Variants in HSPD1 observed in about 807,000 individuals in gnomAD.
HSPD1 encodes the protein 60 kDa heat shock protein, mitochondrial.
In HSPD1, 3 loss-of-function variants were observed where a neutral mutation model predicts 53.0. The ratio of observed to expected loss-of-function variants is 0.06; its 90% confidence interval spans 0.03 to 0.15. The LOEUF is 0.15. Ranked by LOEUF, HSPD1 falls within the 10% of genes least tolerant of loss-of-function variation. The pLI, the probability that HSPD1 is intolerant of heterozygous loss-of-function variation, is 1.00. For synonymous variants in HSPD1, 200 were observed against 228.0 expected (o/e 0.88, Z 1.10); for missense variants, 431 against 694.1 (o/e 0.62, Z 4.26).
intron 3 of HSPD1, among the ~76,000 whole-genome samples, chr2:197,495,917 G>A (rs1269545966): frequency 1.3e-5 from 2 of 152,196 alleles, no homozygotes; most frequent in South Asian, 4.1e-4. Context: ...CAAGGTAGAT[G>A]TGTGTAGTTT....
chr2:197,497,941 T>C (rs529688981), intron 2 of HSPD1, among the ~76,000 whole-genome samples: 1 of 152,340 alleles, frequency 6.6e-6, no homozygotes, highest in Non-Finnish European at 1.5e-5. Flanking sequence ...GATCACTTGA[T>C]ATCTGAACTG....
chr2:197,493,875 TG>T (rs2086123764), intron 6 of HSPD1, among the ~76,000 whole-genome samples: 1 of 151,904 alleles, frequency 6.6e-6, no homozygotes, highest in South Asian at 2.1e-4. Context: ...CCAAGGTGGG[TG>T]GATCACCTGA....
upstream of HSPD1, chr2:197,500,208 G>C: frequency 5.0e-6 from 3 of 601,208 alleles, no homozygotes; most frequent in South Asian, 6.3e-5. Context: ...TTTTTCTTCC[G>C]CCTCCGAGTC....
chr2:197,492,694 C>G (rs1015254022), intron 7 of HSPD1, among the ~76,000 whole-genome samples: 8 of 151,778 alleles, frequency 5.3e-5, no homozygotes, highest in Non-Finnish European at 1.5e-5. Context: ...GAGACTCTGT[C>G]TCCAAAAATA....
upstream of HSPD1, chr2:197,500,205 T>G (rs1469125468): frequency 1.5e-5 from 9 of 600,992 alleles, no homozygotes; most frequent in Non-Finnish European, 2.7e-5. Context: ...CCTTTTTTCT[T>G]CCGCCTCCGA....
intron 8 of HSPD1, 114 bp downstream of exon 8, chr2:197,490,083 A>T: frequency 2.4e-6 from 2 of 849,382 alleles, no homozygotes; most frequent in Non-Finnish European, 4.0e-6. Context: ...CTACCTTCCA[A>T]AGAGCCAAAA....
Position 197,489,242 on chromosome 2 carries a change from A to G in HSPD1, c.975T>C (p.Phe325=). The G allele has an allele frequency of 6.2e-7, 1 of 1,614,172 alleles. No homozygotes were observed. The highest frequency in any genetic ancestry group is 8.5e-7 in the Non-Finnish European group (1 of 1,180,006). The change falls in exon 9 of 12, where the codon TTT becomes TTC. Residue 325 remains phenylalanine (F), a synonymous_variant. Transcript: ENST00000388968. ...DMAIATGGAV[F]GEEGLTLNLE... The stretch of plus-strand genomic sequence containing the variant: ...GATTCAGGGTCAATCCCTCTTCTCC[A>G]AACACCTACAAAAAGAGTTAAACGT...
Position 197,489,073 on chromosome 2 carries a change from T to C in HSPD1, c.1144A>G (p.Thr382Ala). 6.2e-7 allele frequency: 1 copy of C among 1,613,930 alleles called. No individual in the cohort carries two copies. Among genetic ancestry groups the C allele is most frequent in the Non-Finnish European group, 8.5e-7 (1 of 1,179,804 alleles). Residue 382 changes from threonine (T) to alanine (A), a missense_variant, in exon 9 of 12, where the codon ACT becomes GCT. By Grantham distance (58) the Thr-to-Ala change is moderately conservative. Transcript: ENST00000388968. Reference sequence around the variant, plus strand: ...AGTTTTTCCTTTTCATATTCACTAGTTGTGACATCTAACTGCTCAATGATT... The same window carrying C: ...AGTTTTTCCTTTTCATATTCACTAGCTGTGACATCTAACTGCTCAATGATT... Reference protein sequence around the residue: ...QEIIEQLDVTTSEYEKEKLNE... With the variant: ...QEIIEQLDVTASEYEKEKLNE...
intron 1 of HSPD1, 101 bp from the exon 2 acceptor site, chr2:197,498,951 A>G (rs2086198573): frequency 9.3e-7 from 1 of 1,073,292 alleles, no homozygotes; most frequent in Non-Finnish European, 1.4e-6. Context: ...TGAGATGCTG[A>G]GCCTGGCTGA....
chr2:197,490,514 C>T lies in HSPD1; in HGVS notation c.870-218G>A, dbSNP rs150032849. ...CTATTTTCTATTAATTATACTTGTCCATATCCGTTTACCTTCTTAATAAAC... is the reference window on the plus strand; with the variant it reads ...CTATTTTCTATTAATTATACTTGTCTATATCCGTTTACCTTCTTAATAAAC... On this transcript the variant is annotated intron_variant, in intron 7 of 11. Transcript: ENST00000388968. 440 of 559,746 alleles carry T rather than the reference C, an allele frequency of 7.9e-4. 5 individuals carry two copies. In the African/African-American group the frequency reaches 8.0e-3, roughly 10 times the overall value. 34.7% of individuals were successfully genotyped at this position (559,746 alleles called of 1,614,324 possible).
At chr2:197,491,451 C>A (rs561072663) in intron 7 of HSPD1, among the ~76,000 whole-genome samples, 2 of 152,110 alleles carry the variant, frequency 1.3e-5, no homozygotes, top group African/African-American at 4.8e-5. Flanking sequence ...TGAGTCACCA[C>A]GCCCAGCCAA....
At chr2:197,494,438 T>G (rs2086132078) in intron 5 of HSPD1, 188 bp from the exon 6 acceptor site, 1 of 631,824 alleles carries the variant, frequency 1.6e-6, no homozygotes, top group Non-Finnish European at 2.8e-6. Flanking sequence ...ATCATTTAAG[T>G]TAGGATGGAT....
intron 6 of HSPD1, 68 bp downstream of exon 6, chr2:197,494,089 C>A (rs962141183): frequency 1.4e-4 from 111 of 808,004 alleles, no homozygotes; most frequent in Middle Eastern, 3.5e-4. Flanking sequence ...CCAGCCGGGG[C>A]AACAGAGAAT....
intron 2 of HSPD1, among the ~76,000 whole-genome samples, chr2:197,497,832 TCAAC>T (rs2086177645): frequency 6.6e-6 from 1 of 152,240 alleles, no homozygotes; most frequent in Non-Finnish European, 1.5e-5. Flanking sequence ...ACATAAAACT[TCAAC>T]CATGGCACAA....
Position 197,486,685 on chromosome 2 carries a change from ACTT to A in HSPD1, c.*358_*360del, listed in dbSNP as rs1272880403. On this transcript the variant is annotated 3_prime_UTR_variant, in exon 12 of 12. Transcript: ENST00000388968. ...TCACTCTCCACAGAAAGGCTGCTTA[ACTT>A]CTCATCTGGTGGTGGCAAGCACTAA... 2 of 308,424 alleles carry A rather than the reference ACTT, an allele frequency of 6.5e-6. No individual in the cohort carries two copies. Among genetic ancestry groups the A allele is most frequent in the African/African-American group, 4.3e-5 (2 of 46,490 alleles). 19.1% of individuals were successfully genotyped at this position (308,424 alleles called of 1,614,324 possible). A position where few individuals can be genotyped will look rare whatever the true frequency, so the allele number is the denominator to read the frequency against.
At chr2:197,490,132 ACTAT>A (rs1327047155) in intron 8 of HSPD1, 61 bp downstream of exon 8, 10 of 1,135,714 alleles carry the variant, frequency 8.8e-6, no homozygotes, top group Non-Finnish European at 1.2e-5. Context: ...GAAATGTTAA[ACTAT>A]CTATAAATTC....
intron 2 of HSPD1, 121 bp downstream of exon 2, chr2:197,498,554 A>G (rs2086190442): frequency 5.5e-6 from 5 of 902,858 alleles, no homozygotes; most frequent in Non-Finnish European, 8.9e-6. Flanking sequence ...GAATTCTTAC[A>G]TGTAAACTGA....
In HSPD1 at chr2:197,493,464, A is replaced by G. The variant is rs755577488; in HGVS notation, c.729T>C (p.Tyr243=). 1.1e-5 allele frequency: 18 copies of G among 1,612,542 alleles called. No homozygotes were observed. The highest frequency in any genetic ancestry group is 1.7e-5 in the Admixed American group (1 of 60,000). Residue 243 remains tyrosine, a synonymous_variant, in exon 7 of 12, where the codon TAT becomes TAC. Coordinates refer to ENST00000388968, the MANE Select transcript of HSPD1 (RefSeq NM_002156.5). ...KGQKCEFQDA[Y]VLLSEKKISS... Reference sequence around the variant, plus strand: ...AAATTTTCTTTTCACTCAACAGAACATAGGCATCCTGGAATTCACATTTCT... The same window carrying G: ...AAATTTTCTTTTCACTCAACAGAACGTAGGCATCCTGGAATTCACATTTCT...
chr2:197,494,471 A>AT (rs1249323852), intron 5 of HSPD1, 186 bp downstream of exon 5: 2 of 631,556 alleles, frequency 3.2e-6, no homozygotes, highest in Non-Finnish European at 5.7e-6. Flanking sequence ...GCAAAGGCTA[A>AT]TTCACATAAA....
Sources: gnomAD v4.1 joint callset for allele counts (sites outside exome capture counted in the v4.1 genomes callset) on GRCh38, gnomAD v4.1.1 for gene constraint, MANE v1.5 for transcripts, NCBI Gene and HGNC (gene_info 2026-07-23, HGNC 2026-07-21) for gene names.